METRN: variants seen among roughly 807,000 people sequenced by gnomAD.
The protein encoded by METRN is meteorin, glial cell differentiation regulator, also known as meteorin.
METRN carries 17 observed loss-of-function variants against 17.4 expected under a neutral mutation model. That is an observed-to-expected ratio of 0.98 (90% CI 0.67 to 1.46). The LOEUF is 1.46. Ranked by LOEUF, METRN falls within the 40% of genes most tolerant of loss-of-function variation. The probability of loss-of-function intolerance (pLI) is 0.00; values close to 1 mark genes in which losing one functional copy is unlikely to be tolerated. For synonymous variants in METRN, 230 were observed against 210.8 expected, an observed-to-expected ratio of 1.09 and a Z score of -0.79; for missense variants, 489 against 456.2, an observed-to-expected ratio of 1.07 and a Z score of -0.65.
At position 717,979 on chromosome 16, in the gene METRN, C is replaced by G. The variant is rs888259000; in HGVS notation, c.*592C>G. 1.3e-5 allele frequency: 2 copies of G among 152,424 alleles called. No homozygotes were observed. Among genetic ancestry groups the G allele is most frequent in the Non-Finnish European group, 2.9e-5 (2 of 68,178 alleles). The allele number at this position is 152,424 out of a possible 1,614,324, so 9.4% of individuals were successfully genotyped here. On this transcript the variant is annotated 3_prime_UTR_variant, in exon 4 of 4. Transcript: ENST00000568223. ...GCTGCTGTGAGCCCGCAGAGTCATC[C>G]TTGGCCCCGTCCCGCCCTTGGGGAA...
chr16:717,000 TC>T lies in METRN; in HGVS notation c.565+12del. 1 of 1,608,670 alleles carries T rather than the reference TC, an allele frequency of 6.2e-7. No individual in the cohort carries two copies. Among genetic ancestry groups the T allele is most frequent in the East Asian group, 2.2e-5 (1 of 44,824 alleles). On this transcript the variant is annotated intron_variant, in intron 3 of 3. Coordinates refer to ENST00000568223, the MANE Select transcript of METRN (RefSeq NM_024042.4). ...CATGCACCAGCGACTTCGGTGAGTG[TC>T]CCCGCCATGGGGGGAGCCTGGAGCC...
At position 717,132 on chromosome 16, in the gene METRN, T is replaced by C. The variant is rs2151527592; in HGVS notation, c.627T>C (p.Thr209=). 3.1e-6 allele frequency: 5 copies of C among 1,602,882 alleles called. No homozygotes were observed. Among genetic ancestry groups the C allele is most frequent in the Non-Finnish European group, 4.3e-6 (5 of 1,174,298 alleles). Residue 209 remains threonine (T), a synonymous_variant, in exon 4 of 4, where the codon ACT becomes ACC. Coordinates refer to ENST00000568223, the MANE Select transcript of METRN (RefSeq NM_024042.4). ...TGGAGCTGCAGGAGTCTGTCATCAC[T>C]GTGGTGGCCGCCCGTGTCCTCCGCC... ...HDVELQESVI[T]VVAARVLRQT... is the part of the protein sequence containing the mutation.
chr16:719,312 T>G lies in METRN; in HGVS notation c.*1925T>G, dbSNP rs2040187661. ...TTGGAGCATTAGACCAGGGGCTTCA[T>G]GCCTGCCCTGGGGACAGGTGGCCAA... On this transcript the variant is annotated 3_prime_UTR_variant, in exon 4 of 4. Transcript: ENST00000568223. 6.6e-6 allele frequency: 1 copy of G among 152,294 alleles called. No individual in the cohort carries two copies. Among genetic ancestry groups the G allele is most frequent in the African/African-American group, 2.4e-5 (1 of 41,460 alleles). The allele number at this position is 152,294 out of a possible 1,614,324, so 9.4% of individuals were successfully genotyped here. A position where few individuals can be genotyped will look rare whatever the true frequency, so the allele number is the denominator to read the frequency against.
chr16:716,949 C>T lies in METRN; in HGVS notation c.522C>T (p.Cys174=). Residue 174 remains cysteine (C), a synonymous_variant, in exon 3 of 4, where the codon TGC becomes TGT. Coordinates refer to ENST00000568223, the MANE Select transcript of METRN (RefSeq NM_024042.4). ...GLGVDGACRP[C]SDAELLLAAC... is the part of the protein sequence containing the mutation. ...GCATGCCAGGTGCCTGCAGGCCCTG[C>T]AGCGACGCTGAGCTGCTCCTGGCCG... The T allele has an allele frequency of 1.9e-6, 3 of 1,572,190 alleles. No homozygotes were observed. The highest frequency in any genetic ancestry group is 2.6e-6 in the Non-Finnish European group (3 of 1,156,906).
At position 715,345 on chromosome 16, in the gene METRN, C is replaced by G. The variant is rs1485692105; in HGVS notation, c.56C>G (p.Pro19Arg). The G allele has an allele frequency of 2.2e-6, 3 of 1,341,212 alleles. No individual in the cohort carries two copies. 83.1% of individuals were successfully genotyped at this position (1,341,212 alleles called of 1,614,324 possible). Residue 19 changes from proline (P) to arginine (R), a missense_variant, in exon 1 of 4, where the codon CCG becomes CGG. Physicochemically the swap from Pro to Arg is moderately radical, Grantham distance 103. Transcript: ENST00000568223. ...GCGCTGTGCTGCGGCCTCCTGGCCC[C>G]GGCTGCCCGCGCCGGCTACTCCGAG... ...LCALCCGLLA[P>R]AARAGYSEER...
Position 715,843 on chromosome 16 carries a change from G to A in METRN, c.364G>A (p.Gly122Ser). Residue 122 changes from glycine (G) to serine (S), a missense_variant, in exon 2 of 4, where the codon GGT becomes AGT. Coordinates refer to ENST00000568223, the MANE Select transcript of METRN (RefSeq NM_024042.4). The stretch of plus-strand genomic sequence containing the variant: ...GGCAGGGGGCCGCTGCGTGCGCTGG[G>A]GTCCCCGCGAGCGCCGGGCCCTCTT... ...GPAGGRCVRW[G>S]PRERRALFLQ... 1 of 1,319,644 alleles carries A rather than the reference G, an allele frequency of 7.6e-7. No homozygotes were observed. The highest frequency in any genetic ancestry group is 2.0e-5 in the South Asian group (1 of 49,394). 81.7% of individuals were successfully genotyped at this position (1,319,644 alleles called of 1,614,324 possible).
chr16:716,066 C>T lies in METRN; in HGVS notation c.505+82C>T. 2.9e-6 allele frequency: 4 copies of T among 1,363,312 alleles called. No homozygotes were observed. In the South Asian group the frequency reaches 6.6e-5, roughly 23 times the overall value. 84.5% of individuals were successfully genotyped at this position (1,363,312 alleles called of 1,614,324 possible). A position where few individuals can be genotyped will look rare whatever the true frequency, so the allele number is the denominator to read the frequency against. The stretch of plus-strand genomic sequence containing the variant: ...GCTTGGCGGGAATGTGCCTTGTCGG[C>T]CCCACTGCAGAAGGAAAAAGTGAGC... On this transcript the variant is annotated intron_variant, in intron 2 of 3. Coordinates refer to ENST00000568223, the MANE Select transcript of METRN (RefSeq NM_024042.4).
Position 715,683 on chromosome 16 carries a change from C to T in METRN, c.204C>T (p.Thr68=), listed in dbSNP as rs2040154096. 2 of 1,411,612 alleles carry T rather than the reference C, an allele frequency of 1.4e-6. No homozygotes were observed. The highest frequency in any genetic ancestry group is 9.2e-7 in the Non-Finnish European group (1 of 1,085,700). The allele number at this position is 1,411,612 out of a possible 1,614,324, so 87.4% of individuals were successfully genotyped here. Reference sequence around the variant, plus strand: ...ACCCGGCTGGGGCGCTGCGCCTGACCCTGGGCGGCCCCGATCCCAGAGCGC... The same window carrying T: ...ACCCGGCTGGGGCGCTGCGCCTGACTCTGGGCGGCCCCGATCCCAGAGCGC... ...WLYPAGALRL[T]LGGPDPRARP... is the part of the protein sequence containing the mutation. The change falls in exon 2 of 4, where the codon ACC becomes ACT. Residue 68 remains threonine (T), a synonymous_variant. Transcript: ENST00000568223.
chr16:715,170 G>C lies in METRN; in HGVS notation c.-120G>C. On this transcript the variant is annotated 5_prime_UTR_variant, in exon 1 of 4. Transcript: ENST00000568223. ...GGCAGGCGGAGCGGCCGCGGGCTTG[G>C]GGGCTTCGCCGGGGCCGGGCGGCCG... is the stretch of plus-strand genomic sequence containing the variant. 4.1e-6 allele frequency: 1 copy of C among 245,954 alleles called. No individual in the cohort carries two copies. The highest frequency in any genetic ancestry group is 6.4e-6 in the Non-Finnish European group (1 of 156,804). 15.2% of individuals were successfully genotyped at this position (245,954 alleles called of 1,614,324 possible).
At position 717,378 on chromosome 16, in the gene METRN, G is replaced by A. The variant is rs745321186; in HGVS notation, c.873G>A (p.Ala291=). ...CCCACCTCCACCCCTGCGAGGTGGC[G>A]CTGCACTGAGGGGCTGGGTGCTGGG... ...RAAHLHPCEV[A]LH is the part of the protein sequence containing the mutation. The change falls in exon 4 of 4, where the codon GCG becomes GCA. Residue 291 remains alanine (A), a synonymous_variant. Transcript: ENST00000568223. The A allele has an allele frequency of 2.4e-5, 35 of 1,443,806 alleles. No individual in the cohort carries two copies. The African/African-American group carries it at 3.5e-4, about 15-fold the overall frequency. The allele number at this position is 1,443,806 out of a possible 1,614,324, so 89.4% of individuals were successfully genotyped here. A position where few individuals can be genotyped will look rare whatever the true frequency, so the allele number is the denominator to read the frequency against.
rs1346328097 is a variant in METRN, at chr16:717,447, G to A, written c.*60G>A. 7.6e-7 allele frequency: 1 copy of A among 1,320,148 alleles called. No homozygotes were observed. The highest frequency in any genetic ancestry group is 3.3e-5 in the Admixed American group (1 of 29,900). 81.8% of individuals were successfully genotyped at this position (1,320,148 alleles called of 1,614,324 possible). On this transcript the variant is annotated 3_prime_UTR_variant, in exon 4 of 4. Transcript: ENST00000568223. ...AGGGTGGGCCCACTGCTTTGGAGGTGATGGGACTATCAATAAGAACTCTGT... is the reference window on the plus strand; with the variant it reads ...AGGGTGGGCCCACTGCTTTGGAGGTAATGGGACTATCAATAAGAACTCTGT...
At chr16:716,314 C>CA (rs1300738447) in intron 2 of METRN, 34 of 1,391,568 alleles carry the variant, frequency 2.4e-5, no homozygotes, top group Non-Finnish European at 2.9e-5. Context: ...CTGTCCGGGG[C>CA]TCCCTGGCCC....
Position 717,096 on chromosome 16 carries a change from C to T in METRN, c.591C>T (p.Val197=). 2 of 1,607,880 alleles carry T rather than the reference C, an allele frequency of 1.2e-6. No individual in the cohort carries two copies. The highest frequency in any genetic ancestry group is 2.2e-5 in the South Asian group (2 of 90,562). Residue 197 remains valine, a synonymous_variant, in exon 4 of 4, where the codon GTC becomes GTT. Coordinates refer to ENST00000568223, the MANE Select transcript of METRN (RefSeq NM_024042.4). Reference sequence around the variant, plus strand: ...TAATTCACGGGATCATCCATGGGGTCACCCATGACGTGGAGCTGCAGGAGT... The same window carrying T: ...TAATTCACGGGATCATCCATGGGGTTACCCATGACGTGGAGCTGCAGGAGT... ...DFVIHGIIHG[V]THDVELQESV...
chr16:717,225 G>A lies in METRN; in HGVS notation c.720G>A (p.Leu240=), dbSNP rs746447921. 2.5e-6 allele frequency: 4 copies of A among 1,588,436 alleles called. No homozygotes were observed. In the East Asian group the frequency reaches 6.9e-5, roughly 27 times the overall value. The change falls in exon 4 of 4, where the codon CTG becomes CTA. Residue 240 remains leucine, a synonymous_variant. Coordinates refer to ENST00000568223, the MANE Select transcript of METRN (RefSeq NM_024042.4). ...DQGLTSIRTP[L]RCGVHPGPGT... ...GGCTGACCTCCATTCGTACCCCACT[G>A]CGCTGTGGCGTCCACCCGGGCCCAG... is the stretch of plus-strand genomic sequence containing the variant.
In METRN at chr16:715,990, TG is replaced by T. The variant is rs1373449304; in HGVS notation, c.505+8del. ...CCACGGTCTCGGCGTAGACGGTGAG[TG>T]GCGGTCTGGTTGGGACAGGGTGGGA... On this transcript the variant is annotated splice_region_variant and intron_variant, in intron 2 of 3. Transcript: ENST00000568223. 7.9e-6 allele frequency: 11 copies of T among 1,401,166 alleles called. No homozygotes were observed. In the African/African-American group the frequency reaches 1.7e-4, roughly 22 times the overall value. 86.8% of individuals were successfully genotyped at this position (1,401,166 alleles called of 1,614,324 possible).
rs2040157125 is a variant in METRN at position 715,866 on chromosome 16, C to T, written c.387C>T (p.Leu129=). 2 of 1,379,714 alleles carry T rather than the reference C, an allele frequency of 1.4e-6. No individual in the cohort carries two copies. Among genetic ancestry groups the T allele is most frequent in the Non-Finnish European group, 1.9e-6 (2 of 1,071,184 alleles). 85.5% of individuals were successfully genotyped at this position (1,379,714 alleles called of 1,614,324 possible). A position where few individuals can be genotyped will look rare whatever the true frequency, so the allele number is the denominator to read the frequency against. Residue 129 remains leucine (L), a synonymous_variant, in exon 2 of 4, where the codon CTC becomes CTT. Transcript: ENST00000568223. ...VRWGPRERRA[L]FLQATPHQDI... ...GGGGTCCCCGCGAGCGCCGGGCCCTCTTCCTGCAGGCCACGCCGCACCAGG... is the reference window on the plus strand; with the variant it reads ...GGGGTCCCCGCGAGCGCCGGGCCCTTTTCCTGCAGGCCACGCCGCACCAGG...
chr16:715,267 C>A lies in METRN; in HGVS notation c.-23C>A. 7.8e-7 allele frequency: 1 copy of A among 1,275,432 alleles called. No homozygotes were observed. Among genetic ancestry groups the A allele is most frequent in the Non-Finnish European group, 1.0e-6 (1 of 1,004,794 alleles). The allele number at this position is 1,275,432 out of a possible 1,614,324, so 79.0% of individuals were successfully genotyped here. A position where few individuals can be genotyped will look rare whatever the true frequency, so the allele number is the denominator to read the frequency against. Reference sequence around the variant, plus strand: ...GGCAGCGGTGGTGAGAGCCCCGACTCCCCGGACGCCGCCCGCCGTGCCATG... The same window carrying A: ...GGCAGCGGTGGTGAGAGCCCCGACTACCCGGACGCCGCCCGCCGTGCCATG... On this transcript the variant is annotated 5_prime_UTR_variant, in exon 1 of 4. Transcript: ENST00000568223.
Position 715,671 on chromosome 16 carries a change from G to A in METRN, c.192G>A (p.Ala64=). Residue 64 remains alanine (A), a synonymous_variant, in exon 2 of 4, where the codon GCG becomes GCA. Transcript: ENST00000568223. ...GAVEWLYPAG[A]LRLTLGGPDP... ...TTGAGTGGCTGTACCCGGCTGGGGCGCTGCGCCTGACCCTGGGCGGCCCCG... is the reference window on the plus strand; with the variant it reads ...TTGAGTGGCTGTACCCGGCTGGGGCACTGCGCCTGACCCTGGGCGGCCCCG... 2 of 1,425,450 alleles carry A rather than the reference G, an allele frequency of 1.4e-6. No homozygotes were observed. The highest frequency in any genetic ancestry group is 1.4e-5 in the South Asian group (1 of 70,702). The allele number at this position is 1,425,450 out of a possible 1,614,324, so 88.3% of individuals were successfully genotyped here.
intron 2 of METRN, chr16:716,509 C>T: frequency 1.3e-6 from 2 of 1,506,284 alleles, no homozygotes; most frequent in Non-Finnish European, 1.8e-6. Context: ...TGGCCCTGGG[C>T]CAGGGACCCC....
Sources: allele counts gnomAD v4.1 joint callset, GRCh38; gene constraint gnomAD v4.1.1; transcripts MANE v1.5; gene names NCBI Gene and HGNC (gene_info 2026-07-23, HGNC 2026-07-21).